RAP1GAP: variants seen among roughly 807,000 people sequenced by gnomAD.
The protein encoded by RAP1GAP is rap1 GTPase-activating protein 1.
Under a neutral mutation model 87.2 loss-of-function variants are expected in RAP1GAP, and 35 were observed. That is an observed-to-expected ratio of 0.40 (90% CI 0.31 to 0.53). The LOEUF (loss-of-function observed/expected upper bound fraction) is 0.53. RAP1GAP is among the 20% of genes least tolerant of loss of function. RAP1GAP has a pLI of 0.48. For synonymous variants in RAP1GAP, 375 were observed against 363.9 expected (o/e 1.03, Z -0.35); for missense variants, 734 against 898.9 (o/e 0.82, Z 2.35).
At chr1:21,638,832 C>T (rs2095219272) in intron 2 of RAP1GAP, among the ~76,000 whole-genome samples, 1 of 152,188 alleles carries the variant, frequency 6.6e-6, no homozygotes, top group Non-Finnish European at 1.5e-5. Flanking sequence ...GGAGGTATGA[C>T]TCACCCCTTA....
At chr1:21,620,772 C>T (rs1258624228) in intron 3 of RAP1GAP, among the ~76,000 whole-genome samples, 1 of 152,132 alleles carries the variant, frequency 6.6e-6, no homozygotes, top group Non-Finnish European at 1.5e-5. Context: ...TGGTGACCCT[C>T]CCCCTGCCCC....
At position 21,610,148 on chromosome 1, in the gene RAP1GAP, C is replaced by T. The variant is rs753580046; in HGVS notation, c.971G>A (p.Gly324Asp). The change falls in exon 14 of 25, where the codon GGC (glycine) becomes GAC (aspartate). Residue 324 changes from glycine to aspartate, a missense_variant. Physicochemically the swap from Gly to Asp is moderately conservative, Grantham distance 94. Transcript: ENST00000374765. ...LHAYVVVQAE[G>D]GGPDGPLYKV... is the part of the protein sequence containing the mutation. ...GTAGAGGGGGCCATCAGGGCCCCCG[C>T]CCTCAGCCTGCACCACGACGTAGGC... 1 of 1,614,074 alleles carries T rather than the reference C, an allele frequency of 6.2e-7. No individual in the cohort carries two copies. The highest frequency in any genetic ancestry group is 8.5e-7 in the Non-Finnish European group (1 of 1,179,998).
rs1393869832 is a variant in RAP1GAP at position 21,668,191 on chromosome 1, C to T, written c.-149+1063G>A. Among the ~76,000 whole-genome samples the T allele has an allele frequency of 6.6e-6, 1 of 152,206 alleles. No individual in the cohort carries two copies. The highest frequency in any genetic ancestry group is 6.5e-5 in the Admixed American group (1 of 15,284). On this transcript the variant is annotated intron_variant, in intron 1 of 24. Transcript: ENST00000374765. This position sits in a 1 kb window ranked among gnomAD's most constrained non-coding sequence, Gnocchi z 6.2. The stretch of plus-strand genomic sequence containing the variant: ...CCTGTGCAGGGGGGGCCAGGAGCCT[C>T]CTGAGAGCCTCATATGGGGAGGAAG...
intron 2 of RAP1GAP, among the ~76,000 whole-genome samples, chr1:21,647,852 C>T (rs182341934): frequency 2.7e-5 from 4 of 150,736 alleles, no homozygotes; most frequent in East Asian, 1.9e-4. Flanking sequence ...GGAGGTGTGG[C>T]GAGGGCCTGT....
intron 2 of RAP1GAP, among the ~76,000 whole-genome samples, chr1:21,646,918 G>A (rs1430718639): frequency 1.3e-5 from 2 of 152,180 alleles, no homozygotes; most frequent in Non-Finnish European, 2.9e-5. Context: ...GGGGAACTCA[G>A]CCATGATCAC....
chr1:21,599,172 G>T (rs2066146193), intron 21 of RAP1GAP, among the ~76,000 whole-genome samples: 2 of 152,222 alleles, frequency 1.3e-5, no homozygotes, highest in South Asian at 4.1e-4. Flanking sequence ...TGCGCAAAGG[G>T]CCAGGGGTGC....
At chr1:21,656,453 A>G (rs2096870669) in intron 1 of RAP1GAP, among the ~76,000 whole-genome samples, 1 of 145,908 alleles carries the variant, frequency 6.9e-6, no homozygotes, top group Admixed American at 6.8e-5. Flanking sequence ...AAAAAAAAAA[A>G]AGACCTAACA....
In RAP1GAP at chr1:21,622,652, C is replaced by T. The variant is rs1489979512; in HGVS notation, c.-18-2602G>A. The T allele has an allele frequency of 1.4e-5, 2 of 147,930 alleles. No individual in the cohort carries two copies. The highest frequency in any genetic ancestry group is 4.9e-5 in the African/African-American group (2 of 40,948). 9.2% of individuals were successfully genotyped at this position (147,930 alleles called of 1,614,324 possible). On this transcript the variant is annotated intron_variant, in intron 3 of 24. Transcript: ENST00000374765. The surrounding 1 kb of genome is among the most constrained non-coding windows in gnomAD (Gnocchi z 5.7). ...GGCGGGGGCGCTGAAGCCACGCCCC[C>T]CGGGCGGCCCGGCCCGCGGCCCCGG...
intron 18 of RAP1GAP, among the ~76,000 whole-genome samples, 188 bp downstream of exon 18, chr1:21,605,878 G>A (rs148733057): frequency 7.2e-5 from 11 of 152,348 alleles, no homozygotes; most frequent in East Asian, 5.8e-4. Context: ...TGTCAGCACC[G>A]CAGTGTCCTG....
chr1:21,619,988 C>G, intron 4 of RAP1GAP, 27 bp downstream of exon 4: 1 of 1,613,174 alleles, frequency 6.2e-7, no homozygotes, highest in Non-Finnish European at 8.5e-7. Flanking sequence ...TGTGGCTCCC[C>G]AGAACAGGCC....
chr1:21,610,328 G>C, intron 13 of RAP1GAP, 53 bp from the exon 14 acceptor site: 3 of 1,601,474 alleles, frequency 1.9e-6, no homozygotes, highest in Non-Finnish European at 2.6e-6. Context: ...GCCCATGGGG[G>C]AGAGGGGTGC....
chr1:21,660,774 A>C (rs923066252), intron 1 of RAP1GAP, among the ~76,000 whole-genome samples: 3 of 152,216 alleles, frequency 2.0e-5, no homozygotes, highest in African/African-American at 7.2e-5. Context: ...CCTTGTGCTC[A>C]CGAACGGCTT....
chr1:21,632,132 CCT>C (rs1467564021), intron 2 of RAP1GAP, among the ~76,000 whole-genome samples: 2 of 152,138 alleles, frequency 1.3e-5, no homozygotes, highest in Admixed American at 6.5e-5. Flanking sequence ...ACCTTCAGCC[CCT>C]GTGTCTGTGT....
Position 21,619,071 on chromosome 1 carries a change from C to T in RAP1GAP, c.20G>A (p.Gly7Glu). MIEKMQ[G>E]SRMDEQRCSF... ...GCAGCGTTGTTCATCCATCCTGCTT[C>T]CCTGTAAGAGAAGGCAGCACTGTTA... The change falls in exon 5 of 25, where the codon GGA becomes GAA. Residue 7 changes from glycine (G) to glutamate (E), a missense_variant and splice_region_variant. Physicochemically the swap from Gly to Glu is moderately conservative, Grantham distance 98 (BLOSUM62 -2). Around this residue, in one of 2 missense-constraint regions of RAP1GAP, gnomAD observed 485 missense variants for 646.2 expected, o/e 0.75. Coordinates refer to ENST00000374765, the MANE Select transcript of RAP1GAP (RefSeq NM_002885.4). The T allele has an allele frequency of 1.3e-6, 2 of 1,598,396 alleles. No individual in the cohort carries two copies. Among genetic ancestry groups the T allele is most frequent in the African/African-American group, 1.3e-5 (1 of 74,802 alleles).
intron 2 of RAP1GAP, among the ~76,000 whole-genome samples, chr1:21,636,129 G>C (rs921397608): frequency 6.6e-6 from 1 of 152,222 alleles, no homozygotes; most frequent in Non-Finnish European, 1.5e-5. Flanking sequence ...GACTAGCCTA[G>C]AGCTGAGGAC....
At chr1:21,644,509 C>T (rs2095838008) in intron 2 of RAP1GAP, among the ~76,000 whole-genome samples, 1 of 152,136 alleles carries the variant, frequency 6.6e-6, no homozygotes, top group Non-Finnish European at 1.5e-5. Flanking sequence ...GAAGATCAAA[C>T]CCATGAACGT....
intron 1 of RAP1GAP, among the ~76,000 whole-genome samples, chr1:21,657,487 G>A (rs1053461646): frequency 2.0e-5 from 3 of 152,228 alleles, no homozygotes; most frequent in Non-Finnish European, 4.4e-5. Flanking sequence ...AATAAAGGTA[G>A]GAGACAGAAT....
chr1:21,638,325 C>T lies in RAP1GAP; in HGVS notation c.-113+11436G>A, dbSNP rs555795389. 2.9e-4 allele frequency among the ~76,000 whole-genome samples: 44 copies of T among 151,796 alleles called. No individual in the cohort carries two copies. The East Asian group carries it at 7.0e-3, about 24-fold the overall frequency. ...ATACAAAATCAGCCGGACATGGTAG[C>T]GCATGCTTGTAATCCCAGCTACTCA... is the stretch of plus-strand genomic sequence containing the variant. On this transcript the variant is annotated intron_variant, in intron 2 of 24. Coordinates refer to ENST00000374765, the MANE Select transcript of RAP1GAP (RefSeq NM_002885.4).
At chr1:21,601,055 A>G (rs1446328439) in intron 20 of RAP1GAP, among the ~76,000 whole-genome samples, 2 of 142,202 alleles carry the variant, frequency 1.4e-5, no homozygotes, top group Non-Finnish European at 3.0e-5. Flanking sequence ...GAGTCTTGCT[A>G]TGATGTCCAG....
Sources: allele counts gnomAD v4.1 joint callset (sites outside exome capture counted in the v4.1 genomes callset), GRCh38; gene constraint gnomAD v4.1.1; regional missense constraint gnomAD v4.1.1; non-coding constraint Gnocchi (gnomAD v3.1); transcripts MANE v1.5; gene names NCBI Gene and HGNC (gene_info 2026-07-23, HGNC 2026-07-21).